CCDC7: variants seen among roughly 807,000 people sequenced by gnomAD.
CCDC7 encodes coiled-coil domain containing 7.
A neutral mutation model predicts 196.9 loss-of-function variants in CCDC7; 183 were observed. The ratio of observed to expected loss-of-function variants is 0.93; its 90% CI spans 0.82 to 1.05. The LOEUF is 1.05. Among genes scored for constraint, CCDC7 ranks in the 50% least tolerant of loss-of-function variants. The probability of loss-of-function intolerance (pLI) is 0.00; values close to 1 mark genes in which losing one functional copy is unlikely to be tolerated. For missense variants in CCDC7, 1,540 were observed against 1,482.2 expected, an observed-to-expected ratio of 1.04 and a Z score of -0.64; for synonymous variants, 525 against 484.6, an observed-to-expected ratio of 1.08 and a Z score of -1.10.
At chr10:32,856,209 CAT>C (rs2136358816) in intron 41 of CCDC7, among the ~76,000 whole-genome samples, 1 of 152,222 alleles carries the variant, frequency 6.6e-6, no homozygotes, top group Non-Finnish European at 1.5e-5. Context: ...AAAAAATAGA[CAT>C]GTTAGAATTT....
chr10:32,667,493 A>G (rs2073050832), intron 21 of CCDC7, among the ~76,000 whole-genome samples: 1 of 152,082 alleles, frequency 6.6e-6, no homozygotes, highest in Non-Finnish European at 1.5e-5. Context: ...TAGGGTTTTT[A>G]TGGTTTCAGG....
At chr10:32,834,674 C>A (rs1246261124) in intron 32 of CCDC7, 141 bp from the exon 34 acceptor site, 10 of 286,792 alleles carry the variant, frequency 3.5e-5, no homozygotes, top group East Asian at 1.4e-4. Context: ...TTTTTTTTTA[C>A]TAATTCATCT....
At chr10:32,548,966 T>G (rs1037418121) in intron 13 of CCDC7, among the ~76,000 whole-genome samples, 1 of 152,202 alleles carries the variant, frequency 6.6e-6, no homozygotes, top group Admixed American at 6.5e-5. Flanking sequence ...GTTCTACTGT[T>G]AGTTCTTTAA....
chr10:32,801,773 T>C (rs1408337563), intron 29 of CCDC7, among the ~76,000 whole-genome samples: 16 of 152,182 alleles, frequency 1.1e-4, no homozygotes, highest in Admixed American at 7.9e-4. Context: ...CCTCAGGCAG[T>C]GCAGGGTTAA....
intron 9 of CCDC7, among the ~76,000 whole-genome samples, chr10:32,494,324 A>T (rs2042577753): frequency 6.6e-6 from 1 of 151,082 alleles, no homozygotes; most frequent in Non-Finnish European, 1.5e-5. Context: ...GTCAAAGATC[A>T]GTTGATCATA....
At chr10:32,545,583 A>C (rs2052293047) in intron 13 of CCDC7, among the ~76,000 whole-genome samples, 1 of 152,172 alleles carries the variant, frequency 6.6e-6, no homozygotes, top group Non-Finnish European at 1.5e-5. Context: ...ATTCCTAAAG[A>C]TCCAAAGGGT....
chr10:32,449,944 T>G (rs1207250038), upstream of CCDC7, among the ~76,000 whole-genome samples: 1 of 152,222 alleles, frequency 6.6e-6, no homozygotes, highest in African/African-American at 2.4e-5. Flanking sequence ...GCTGGTGCCT[T>G]GTCGTTGGAC....
chr10:32,473,905 A>G (rs2038450059), intron 7 of CCDC7, 62 bp from the exon 9 acceptor site: 4 of 1,413,916 alleles, frequency 2.8e-6, no homozygotes, highest in Non-Finnish European at 3.8e-6. Flanking sequence ...TAAAATTTAA[A>G]CTCAATTAGT....
At chr10:32,594,048 A>G (rs1480924451) in intron 18 of CCDC7, among the ~76,000 whole-genome samples, 2 of 152,126 alleles carry the variant, frequency 1.3e-5, no homozygotes, top group Non-Finnish European at 2.9e-5. Flanking sequence ...TTTTGGTTCC[A>G]TATGAACTTT....
intron 30 of CCDC7, among the ~76,000 whole-genome samples, 193 bp from the exon 32 acceptor site, chr10:32,814,177 C>T (rs574565187): frequency 4.6e-5 from 7 of 152,174 alleles, no homozygotes; most frequent in Non-Finnish European, 8.8e-5. Context: ...AGGATGGTCT[C>T]GATCTCTTGA....
intron 11 of CCDC7, among the ~76,000 whole-genome samples, chr10:32,529,724 C>T (rs1312964616): frequency 6.6e-6 from 1 of 152,110 alleles, no homozygotes; most frequent in East Asian, 1.9e-4. Context: ...TGTGGGTTGT[C>T]TCTTTACTCT....
intron 13 of CCDC7, among the ~76,000 whole-genome samples, chr10:32,559,380 G>C (rs931939307): frequency 1.3e-5 from 2 of 152,218 alleles, no homozygotes; most frequent in African/African-American, 4.8e-5. Context: ...TCAAGTGGGT[G>C]CCTGACCCCT....
At chr10:32,863,279 C>G (rs754619683) in intron 41 of CCDC7, among the ~76,000 whole-genome samples, 1 of 152,052 alleles carries the variant, frequency 6.6e-6, no homozygotes, top group African/African-American at 2.4e-5. Flanking sequence ...TAATCAAACT[C>G]ATATGGTAAT....
intron 11 of CCDC7, among the ~76,000 whole-genome samples, chr10:32,533,278 C>CACACACA (rs1554827271): frequency 3.3e-5 from 5 of 150,924 alleles, no homozygotes; most frequent in Non-Finnish European, 5.9e-5. Context: ...CACACACACA[C>CACACACA]AATTCTACAC....
intron 24 of CCDC7, among the ~76,000 whole-genome samples, chr10:32,708,193 A>G (rs1343308640): frequency 6.6e-6 from 1 of 152,198 alleles, no homozygotes; most frequent in Non-Finnish European, 1.5e-5. Flanking sequence ...CTGATCTTTG[A>G]CAAACCTGAC....
At chr10:32,639,427 T>C (rs2066295171) in intron 20 of CCDC7, among the ~76,000 whole-genome samples, 1 of 152,232 alleles carries the variant, frequency 6.6e-6, no homozygotes, top group Admixed American at 6.5e-5. Flanking sequence ...GATTCTGGTA[T>C]GTTGTGTCTT....
At chr10:32,567,463 G>A (rs1422207658) in intron 14 of CCDC7, among the ~76,000 whole-genome samples, 1 of 152,040 alleles carries the variant, frequency 6.6e-6, no homozygotes, top group African/African-American at 2.4e-5. Context: ...CCTCAAAGGT[G>A]GAAGAGGTTT....
intron 24 of CCDC7, among the ~76,000 whole-genome samples, chr10:32,711,103 A>G (rs1194350100): frequency 1.3e-5 from 2 of 151,602 alleles, no homozygotes; most frequent in East Asian, 3.9e-4. Context: ...TTGATATTAT[A>G]CCATTGTTTC....
chr10:32,787,107 A>C (rs1173553624), intron 29 of CCDC7, among the ~76,000 whole-genome samples: 1 of 152,170 alleles, frequency 6.6e-6, no homozygotes, highest in Admixed American at 6.5e-5. Context: ...TGGGTATCAG[A>C]AGGAGAAAAG....
Sources: allele counts gnomAD v4.1 joint callset (sites outside exome capture counted in the v4.1 genomes callset), GRCh38; gene constraint gnomAD v4.1.1; transcripts MANE v1.5; gene names NCBI Gene and HGNC (gene_info 2026-07-23, HGNC 2026-07-21).